The following BCHE variants were observed in gnomAD, a reference collection of about 807,000 sequenced individuals.
The protein encoded by BCHE is butyrylcholinesterase, also known as cholinesterase.
Under a neutral mutation model 51.3 loss-of-function variants are expected in BCHE, and 48 were observed. The ratio of observed to expected loss-of-function variants is 0.94; its 90% confidence interval spans 0.74 to 1.19. The LOEUF (loss-of-function observed/expected upper bound fraction) is 1.19, where lower values mean the gene tolerates loss of function less well. BCHE is among the 50% of genes most tolerant of loss of function. The pLI, the probability that BCHE is intolerant of heterozygous loss-of-function variation, is 0.00. For missense variants in BCHE, 847 were observed against 708.2 expected (o/e 1.20, Z -2.23); for synonymous variants, 251 against 238.0 (o/e 1.05, Z -0.50).
intron 3 of BCHE, among the ~76,000 whole-genome samples, chr3:165,781,050 T>A (rs1712679475): frequency 6.6e-6 from 1 of 152,154 alleles, no homozygotes; most frequent in South Asian, 2.1e-4. Flanking sequence ...GAGATCAGCC[T>A]GACCAACATG....
At chr3:165,802,551 G>T (rs78867040) in intron 2 of BCHE, among the ~76,000 whole-genome samples, 286 of 151,928 alleles carry the variant, frequency 1.9e-3, no homozygotes, top group African/African-American at 6.7e-3. Flanking sequence ...TAAGTTACTT[G>T]CAGATCCATT....
intron 2 of BCHE, among the ~76,000 whole-genome samples, chr3:165,801,009 A>T (rs1379346943): frequency 6.6e-6 from 1 of 152,200 alleles, no homozygotes; most frequent in Admixed American, 6.5e-5. Flanking sequence ...CATAGAAAGG[A>T]GTTCTCAGCT....
chr3:165,829,382 C>A (rs1344258803), intron 2 of BCHE, 135 bp downstream of exon 2: 3 of 806,744 alleles, frequency 3.7e-6, no homozygotes, highest in Non-Finnish European at 6.1e-6. Context: ...AAAATAAAAC[C>A]AGCTTTGGTA....
intron 1 of BCHE, among the ~76,000 whole-genome samples, chr3:165,833,389 AG>A (rs1276741913): frequency 6.6e-6 from 1 of 152,104 alleles, no homozygotes; most frequent in Non-Finnish European, 1.5e-5. Context: ...CCACACCTTT[AG>A]GCTATATGGT....
intron 2 of BCHE, among the ~76,000 whole-genome samples, chr3:165,820,198 C>T (rs923744641): frequency 2.4e-5 from 2 of 82,374 alleles, no homozygotes; most frequent in East Asian, 5.1e-4. Context: ...TAGATTTGCC[C>T]CTTTGGGGGA....
chr3:165,795,259 C>T (rs914620083), intron 2 of BCHE, among the ~76,000 whole-genome samples: 2 of 152,174 alleles, frequency 1.3e-5, no homozygotes, highest in Non-Finnish European at 2.9e-5. Context: ...CCTTCATCTG[C>T]TGATGAGGAG....
chr3:165,828,458 A>G (rs1576670171), intron 2 of BCHE, among the ~76,000 whole-genome samples: 1 of 152,166 alleles, frequency 6.6e-6, no homozygotes, highest in East Asian at 1.9e-4. Context: ...TACAACTGAT[A>G]TTGTAGAAAC....
rs542253021 is a variant in BCHE, at chr3:165,831,403, CATCA to C, written c.-8-366_-8-363del. On this transcript the variant is annotated intron_variant, in intron 1 of 3. Coordinates refer to ENST00000264381, the MANE Select transcript of BCHE (RefSeq NM_000055.4). ...AAAGCAGTAAACAGTAGTCTACCTA[CATCA>C]GATATAATTTCTGCCTTGGTAAGAG... Among the ~76,000 whole-genome samples, 16 of 152,240 alleles carry C rather than the reference CATCA, an allele frequency of 1.1e-4. 1 individual carries two copies. In the South Asian group the frequency reaches 3.3e-3, roughly 32 times the overall value.
Position 165,786,331 on chromosome 3 carries a change from C to T in BCHE, c.1518-20G>A, listed in dbSNP as rs1324648866. On this transcript the variant is annotated intron_variant, in intron 2 of 3. Transcript: ENST00000264381. ...GGATTCCTAAATAATAAAATAGAGA[C>T]ATTATAGTAAAATTGAAATCATTGT... The T allele has an allele frequency of 6.3e-7, 1 of 1,587,932 alleles. No homozygotes were observed.
chr3:165,796,138 A>G (rs962030171), intron 2 of BCHE, among the ~76,000 whole-genome samples: 14 of 152,220 alleles, frequency 9.2e-5, no homozygotes, highest in Non-Finnish European at 1.9e-4. Context: ...ACTAGGAAGA[A>G]GACATACTAG....
At chr3:165,796,473 TGTCA>T (rs1176140171) in intron 2 of BCHE, among the ~76,000 whole-genome samples, 2 of 152,208 alleles carry the variant, frequency 1.3e-5, no homozygotes, top group African/African-American at 2.4e-5. Flanking sequence ...TTGTTCATAT[TGTCA>T]GTCAGTATTG....
intron 2 of BCHE, among the ~76,000 whole-genome samples, chr3:165,819,074 C>CT (rs5854159): frequency 0.92 from 125,297 of 136,614 alleles, 57,696 homozygotes; most frequent in Non-Finnish European, 0.96. Context: ...TTTTTAACTT[C>CT]TTTTTTTTTT....
intron 2 of BCHE, among the ~76,000 whole-genome samples, chr3:165,788,114 GTTTGTTTTGT>G (rs143708782): frequency 6.6e-6 from 1 of 151,220 alleles, no homozygotes; most frequent in African/African-American, 2.4e-5. Flanking sequence ...GCCGATCTAA[GTTTGTTTTGT>G]TTTGTTTTGT....
At chr3:165,793,595 G>A (rs1713254941) in intron 2 of BCHE, among the ~76,000 whole-genome samples, 1 of 152,122 alleles carries the variant, frequency 6.6e-6, no homozygotes, top group African/African-American at 2.4e-5. Context: ...CACAGTAAAT[G>A]TTCACATTTA....
intron 2 of BCHE, among the ~76,000 whole-genome samples, chr3:165,823,679 G>A (rs557590841): frequency 2.0e-5 from 3 of 152,062 alleles, no homozygotes; most frequent in East Asian, 3.9e-4. Flanking sequence ...TTTCATTGAC[G>A]AAATATGTTA....
chr3:165,794,859 T>G (rs1713309391), intron 2 of BCHE, among the ~76,000 whole-genome samples: 1 of 152,094 alleles, frequency 6.6e-6, no homozygotes, highest in African/African-American at 2.4e-5. Flanking sequence ...ATATAAAATT[T>G]TATTTTATAT....
chr3:165,820,183 CT>C (rs1187609568), intron 2 of BCHE, among the ~76,000 whole-genome samples: 1 of 118,486 alleles, frequency 8.4e-6, no homozygotes. Context: ...TTATAGCTCT[CT>C]TTGTAGATTT....
At chr3:165,809,163 G>A (rs1713983881) in intron 2 of BCHE, among the ~76,000 whole-genome samples, 1 of 151,838 alleles carries the variant, frequency 6.6e-6, no homozygotes, top group South Asian at 2.1e-4. Flanking sequence ...TTAGCTTATG[G>A]AAGAAAAAAA....
At chr3:165,788,714 G>C (rs138840231) in intron 2 of BCHE, among the ~76,000 whole-genome samples, 1 of 152,070 alleles carries the variant, frequency 6.6e-6, no homozygotes, top group Non-Finnish European at 1.5e-5. Context: ...GAATGGCAAC[G>C]TAAACAGAGC....
Sources: allele counts gnomAD v4.1 joint callset (sites outside exome capture counted in the v4.1 genomes callset), GRCh38; gene constraint gnomAD v4.1.1; transcripts MANE v1.5; gene names NCBI Gene and HGNC (gene_info 2026-07-23, HGNC 2026-07-21).